ATP8B1: variants seen among roughly 807,000 people sequenced by gnomAD.
ATP8B1 encodes the protein ATPase phospholipid transporting 8B1.
ATP8B1 carries 80 observed loss-of-function variants against 149.9 expected under a neutral mutation model. The observed-to-expected ratio is 0.53, with a 90% CI of 0.45 to 0.64. The LOEUF is 0.64. Ranked by LOEUF, ATP8B1 falls within the 30% of genes least tolerant of loss-of-function variation. The probability of loss-of-function intolerance (pLI) is 0.00; values close to 1 mark genes in which losing one functional copy is unlikely to be tolerated. For missense variants in ATP8B1, 1,247 were observed against 1,552.6 expected (o/e 0.80, Z 3.31); for synonymous variants, 536 against 562.8 (o/e 0.95, Z 0.67).
chr18:57,747,288 A>G (rs1004538025), intron 1 of ATP8B1, among the ~76,000 whole-genome samples: 3 of 152,128 alleles, frequency 2.0e-5, no homozygotes, highest in Admixed American at 2.0e-4. Context: ...CCCCATCTCT[A>G]CTAAAAATAC....
chr18:57,785,759 G>A (rs2080401543), intron 1 of ATP8B1, among the ~76,000 whole-genome samples: 1 of 152,178 alleles, frequency 6.6e-6, no homozygotes, highest in Non-Finnish European at 1.5e-5. Flanking sequence ...ACATGCCTCA[G>A]CCTCCCAAAG....
intron 1 of ATP8B1, among the ~76,000 whole-genome samples, chr18:57,781,674 A>G (rs1316283844): frequency 1.3e-5 from 2 of 152,224 alleles, no homozygotes; most frequent in Non-Finnish European, 2.9e-5. Flanking sequence ...AGACTGTTAC[A>G]GTTCAATATG....
At chr18:57,731,574 G>T in intron 2 of ATP8B1, 53 bp downstream of exon 2, 1 of 1,582,186 alleles carries the variant, frequency 6.3e-7, no homozygotes, top group South Asian at 1.1e-5. Context: ...GTGTGGCCAT[G>T]ACCCACATGA....
intron 15 of ATP8B1, 81 bp from the exon 16 acceptor site, chr18:57,675,103 C>T (rs372134304): frequency 5.5e-6 from 8 of 1,454,538 alleles, no homozygotes; most frequent in African/African-American, 2.8e-5. Context: ...GCTGAGGCTC[C>T]TGTGGGGGTC....
intron 2 of ATP8B1, among the ~76,000 whole-genome samples, chr18:57,712,048 C>CATATATATATATATATATATATATATAT (rs10622264): frequency 9.0e-5 from 13 of 144,372 alleles, no homozygotes; most frequent in African/African-American, 3.5e-4. Flanking sequence ...CCTCTATTGG[C>CATATATATATATATATATATATATATAT]ATATATATAT....
rs529544288 is a variant in ATP8B1, at chr18:57,698,566, C to T, written c.555-699G>A. 2.0e-5 allele frequency among the ~76,000 whole-genome samples: 3 copies of T among 152,264 alleles called. No homozygotes were observed. In the East Asian group the frequency reaches 5.8e-4, roughly 29 times the overall value. ...GCCAGGCTGGTCTCGAACTCCTGAC[C>T]TCAGGTGATCCACCCACCTCGGCCT... On this transcript the variant is annotated intron_variant, in intron 6 of 27. Coordinates refer to ENST00000648908, the MANE Select transcript of ATP8B1 (RefSeq NM_001374385.1).
At chr18:57,687,799 T>TA (rs56177026) in intron 13 of ATP8B1, among the ~76,000 whole-genome samples, 2 of 136,088 alleles carry the variant, frequency 1.5e-5, no homozygotes, top group South Asian at 4.6e-4. Flanking sequence ...TTTTTTTTTT[T>TA]AGACAGAGTC....
At chr18:57,701,442 G>A (rs889398253) in intron 4 of ATP8B1, 129 bp from the exon 5 acceptor site, 14 of 823,008 alleles carry the variant, frequency 1.7e-5, no homozygotes, top group Non-Finnish European at 2.5e-5. Context: ...ACATCCTGCA[G>A]AGTATATAGG....
intron 1 of ATP8B1, among the ~76,000 whole-genome samples, chr18:57,798,097 T>C (rs536673353): frequency 6.6e-6 from 1 of 152,136 alleles, no homozygotes; most frequent in East Asian, 1.9e-4. Flanking sequence ...TCCCCCAGCA[T>C]AGTCTAAAGA....
At chr18:57,785,471 A>C (rs2123431444) in intron 1 of ATP8B1, among the ~76,000 whole-genome samples, 1 of 152,306 alleles carries the variant, frequency 6.6e-6, no homozygotes. Flanking sequence ...AAAATCTTTA[A>C]ATATCTATTT....
At chr18:57,795,926 T>C (rs991594489) in intron 1 of ATP8B1, among the ~76,000 whole-genome samples, 1 of 151,502 alleles carries the variant, frequency 6.6e-6, no homozygotes, top group Non-Finnish European at 1.5e-5. Context: ...CCCAACACTT[T>C]GGGAGGCTAA....
At chr18:57,714,394 C>G (rs1913897410) in intron 2 of ATP8B1, among the ~76,000 whole-genome samples, 1 of 152,186 alleles carries the variant, frequency 6.6e-6, no homozygotes, top group Non-Finnish European at 1.5e-5. Flanking sequence ...GGCTTCACAA[C>G]AGGGCATTGA....
intron 2 of ATP8B1, among the ~76,000 whole-genome samples, chr18:57,727,741 C>T (rs1413046434): frequency 1.3e-5 from 2 of 152,130 alleles, no homozygotes; most frequent in Non-Finnish European, 2.9e-5. Flanking sequence ...GAGCCGATAT[C>T]GCGCCTCTGC....
At chr18:57,756,256 T>C (rs1302558488) in intron 1 of ATP8B1, among the ~76,000 whole-genome samples, 3 of 118,164 alleles carry the variant, frequency 2.5e-5, no homozygotes, top group South Asian at 2.6e-4. Context: ...CACACACATA[T>C]ATATATATGA....
rs759266314 is a variant in ATP8B1, at chr18:57,675,036, G to A, written c.1631-14C>T. 13 of 1,613,272 alleles carry A rather than the reference G, an allele frequency of 8.1e-6. No individual in the cohort carries two copies. The highest frequency in any genetic ancestry group is 4.4e-5 in the South Asian group (4 of 90,980). ...AGTTGAGCTGACCTAACAAGGAAGC[G>A]AGAGAAATCCCAGAAAAGCTGTAAA... On this transcript the variant is annotated splice_polypyrimidine_tract_variant and intron_variant, in intron 15 of 27. Coordinates refer to ENST00000648908, the MANE Select transcript of ATP8B1 (RefSeq NM_001374385.1).
chr18:57,668,368 GGAAA>G (rs1911013353), intron 19 of ATP8B1, 57 bp downstream of exon 19: 1 of 1,465,698 alleles, frequency 6.8e-7, no homozygotes, highest in Non-Finnish European at 9.6e-7. Flanking sequence ...CTTGGGCAAA[GGAAA>G]CGGCAGCTAT....
At chr18:57,653,300 T>C (rs1434421522) in intron 24 of ATP8B1, among the ~76,000 whole-genome samples, 1 of 149,598 alleles carries the variant, frequency 6.7e-6, no homozygotes, top group East Asian at 1.9e-4. Context: ...TTTTTTTTTT[T>C]TGGAGACAGG....
chr18:57,764,146 C>T (rs1266499524), intron 1 of ATP8B1, among the ~76,000 whole-genome samples: 3 of 152,196 alleles, frequency 2.0e-5, no homozygotes, highest in Admixed American at 1.3e-4. Flanking sequence ...ATCACCTTCC[C>T]CACGATCCAT....
chr18:57,724,769 A>G, intron 2 of ATP8B1, among the ~76,000 whole-genome samples: 1 of 144,826 alleles, frequency 6.9e-6, no homozygotes, highest in Admixed American at 7.0e-5. Context: ...CCAAATGACT[A>G]TAAATCATGC....
Sources: gnomAD v4.1 joint callset for allele counts (sites outside exome capture counted in the v4.1 genomes callset) on GRCh38, gnomAD v4.1.1 for gene constraint, MANE v1.5 for transcripts, NCBI Gene and HGNC (gene_info 2026-07-23, HGNC 2026-07-21) for gene names.